PLEKHN1: variants seen among roughly 807,000 people sequenced by gnomAD.
PLEKHN1 encodes pleckstrin homology domain containing N1.
In PLEKHN1, 68 loss-of-function variants were observed where a neutral mutation model predicts 72.8. That is an observed-to-expected ratio of 0.93 (90% confidence interval 0.77 to 1.14). PLEKHN1 has a LOEUF of 1.14. Among genes scored for constraint, PLEKHN1 ranks in the 50% most tolerant of loss-of-function variants. The pLI is 0.00. For synonymous variants in PLEKHN1, 454 were observed against 371.6 expected, an observed-to-expected ratio of 1.22 and a Z score of -2.55; for missense variants, 1,015 against 840.5, an observed-to-expected ratio of 1.21 and a Z score of -2.57.
Position 974,812 on chromosome 1 carries a change from A to G in PLEKHN1, c.*237A>G, listed in dbSNP as rs1643530419. On this transcript the variant is annotated 3_prime_UTR_variant, in exon 16 of 16. Coordinates refer to ENST00000379410, the MANE Select transcript of PLEKHN1 (RefSeq NM_032129.3). ...GCCCTGGCCAGCGAGGCTGGGTCACAGGTCAGGGAGGTCCTGGCCGTCCAC... is the reference window on the plus strand; with the variant it reads ...GCCCTGGCCAGCGAGGCTGGGTCACGGGTCAGGGAGGTCCTGGCCGTCCAC... 3.5e-6 allele frequency: 2 copies of G among 577,254 alleles called. No individual in the cohort carries two copies. Among genetic ancestry groups the G allele is most frequent in the Non-Finnish European group, 3.0e-6 (1 of 332,042 alleles). 35.8% of individuals were successfully genotyped at this position (577,254 alleles called of 1,614,324 possible).
rs993218061 is a variant in PLEKHN1 at position 974,804 on chromosome 1, T to G, written c.*229T>G. On this transcript the variant is annotated 3_prime_UTR_variant, in exon 16 of 16. Coordinates refer to ENST00000379410, the MANE Select transcript of PLEKHN1 (RefSeq NM_032129.3). ...CAAAGGATGCCCTGGCCAGCGAGGC[T>G]GGGTCACAGGTCAGGGAGGTCCTGG... 1 of 613,608 alleles carries G rather than the reference T, an allele frequency of 1.6e-6. No individual in the cohort carries two copies. Among genetic ancestry groups the G allele is most frequent in the African/African-American group, 1.8e-5 (1 of 54,088 alleles). The allele number at this position is 613,608 out of a possible 1,614,324, so 38.0% of individuals were successfully genotyped here. A position where few individuals can be genotyped will look rare whatever the true frequency, so the allele number is the denominator to read the frequency against.
In PLEKHN1 at chr1:972,876, C is replaced by T. The variant is rs774553043; in HGVS notation, c.1018C>T (p.Arg340Ter). The T allele has an allele frequency of 1.1e-5, 17 of 1,554,668 alleles. No homozygotes were observed. Among genetic ancestry groups the T allele is most frequent in the Admixed American group, 3.9e-5 (2 of 51,920 alleles). ...GCCCATCCAGGTTATGGGCAGTGGCCGAGGCTCACTCTCCTCAGGCGGACA... is the reference window on the plus strand; with the variant it reads ...GCCCATCCAGGTTATGGGCAGTGGCTGAGGCTCACTCTCCTCAGGCGGACA... ...FPGSQVMGSG[R>*]GSLSSGGQTS... is the part of the protein sequence containing the mutation. The change falls in exon 11 of 16, where the codon CGA becomes TGA. Residue 340 changes from arginine (R) to a stop codon, truncating the protein, a stop_gained. Coordinates refer to ENST00000379410, the MANE Select transcript of PLEKHN1 (RefSeq NM_032129.3). LOFTEE classifies it high-confidence loss of function.
In PLEKHN1 at chr1:971,312, C is replaced by T. The variant is rs1643316175; in HGVS notation, c.709-12C>T. ...GTTCCCTCATCGCCTGACCCCACCCCCACCCACCCAGGAGCAGTGGGACCG... is the reference window on the plus strand; with the variant it reads ...GTTCCCTCATCGCCTGACCCCACCCTCACCCACCCAGGAGCAGTGGGACCG... On this transcript the variant is annotated splice_polypyrimidine_tract_variant and intron_variant, in intron 7 of 15. Transcript: ENST00000379410. The T allele has an allele frequency of 5.8e-6, 9 of 1,563,026 alleles. No individual in the cohort carries two copies. In the South Asian group the frequency reaches 9.4e-5, roughly 16 times the overall value.
chr1:972,735 C>T (rs533026621), intron 10 of PLEKHN1, 126 bp from the exon 11 acceptor site: 18 of 1,256,454 alleles, frequency 1.4e-5, no homozygotes, highest in Middle Eastern at 2.8e-4. Context: ...CACTGTACTG[C>T]AGCCTGGGCG....
At position 970,984 on chromosome 1, in the gene PLEKHN1, G is replaced by C. The variant is rs370898773; in HGVS notation, c.590G>C (p.Arg197Pro). ...ACGGCCCTCCTCGGGGGGCCGCGGC[G>C]CTGCCACTCGGCACCCCCACAGGTC... is the stretch of plus-strand genomic sequence containing the variant. ...KQTALLGGPR[R>P]CHSAPPQRRL... Residue 197 changes from arginine (R) to proline (P), a missense_variant, in exon 6 of 16, where the codon CGC becomes CCC. By Grantham distance (103) the Arg-to-Pro change is moderately radical. Coordinates refer to ENST00000379410, the MANE Select transcript of PLEKHN1 (RefSeq NM_032129.3). This position sits in a 1 kb window ranked among gnomAD's most constrained non-coding sequence, Gnocchi z 4.2. The C allele has an allele frequency of 1.9e-6, 3 of 1,604,254 alleles. No individual in the cohort carries two copies.
Position 975,365 on chromosome 1 carries a change from C to G in PLEKHN1, c.*790C>G, listed in dbSNP as rs1419280927. ...CCTTCCCACCTCATCTCTGACTCCT[C>G]TTGGCTGTGGGTCCCCAGCTGCCCC... On this transcript the variant is annotated 3_prime_UTR_variant, in exon 16 of 16. Coordinates refer to ENST00000379410, the MANE Select transcript of PLEKHN1 (RefSeq NM_032129.3). 1 of 152,478 alleles carries G rather than the reference C, an allele frequency of 6.6e-6. No homozygotes were observed. Among genetic ancestry groups the G allele is most frequent in the Non-Finnish European group, 1.5e-5 (1 of 68,238 alleles). 9.4% of individuals were successfully genotyped at this position (152,478 alleles called of 1,614,324 possible). A position where few individuals can be genotyped will look rare whatever the true frequency, so the allele number is the denominator to read the frequency against.
At position 974,048 on chromosome 1, in the gene PLEKHN1, G is replaced by T. The variant is rs193098401; in HGVS notation, c.1650G>T (p.Gln550His). The T allele has an allele frequency of 7.5e-5, 119 of 1,581,266 alleles. 1 individual carries two copies. In the South Asian group the frequency reaches 1.3e-3, roughly 18 times the overall value. Residue 550 changes from glutamine (Q) to histidine (H), a missense_variant, in exon 14 of 16, where the codon CAG (glutamine) becomes CAT (histidine). By Grantham distance (24) the Gln-to-His change is conservative. Transcript: ENST00000379410. The stretch of plus-strand genomic sequence containing the variant: ...GGCCGCAGCCCCCAGACGCCCCTCA[G>T]CTTGTGAGTAGCAGCCCCCACGCCC... ...DGGPQPPDAP[Q>H]LVSSAREGSP... is the part of the protein sequence containing the mutation.
intron 2 of PLEKHN1, among the ~76,000 whole-genome samples, chr1:968,665 A>G (rs1296814066): frequency 6.6e-6 from 1 of 152,228 alleles, no homozygotes; most frequent in Non-Finnish European, 1.5e-5. Context: ...TGCTAAGGAG[A>G]AAAACAGAGG....
chr1:974,639 A>G lies in PLEKHN1; in HGVS notation c.*64A>G. The stretch of plus-strand genomic sequence containing the variant: ...AAGCTCCAGGGTACCTGCCCCTCTA[A>G]CCCACTTCAAATTACAAGTCAGGGT... On this transcript the variant is annotated 3_prime_UTR_variant, in exon 16 of 16. Transcript: ENST00000379410. 6.6e-7 allele frequency: 1 copy of G among 1,523,274 alleles called. No homozygotes were observed. Among genetic ancestry groups the G allele is most frequent in the Non-Finnish European group, 8.8e-7 (1 of 1,132,084 alleles). The allele number at this position is 1,523,274 out of a possible 1,614,324, so 94.4% of individuals were successfully genotyped here.
chr1:970,554 G>A lies in PLEKHN1; in HGVS notation c.364G>A (p.Ala122Thr), dbSNP rs764611495. ...CGACTGCTACCTGGAGCTATTCCCCGCCCACCTGTACTTCCAGGCCCACGG... is the reference window on the plus strand; with the variant it reads ...CGACTGCTACCTGGAGCTATTCCCCACCCACCTGTACTTCCAGGCCCACGG... ...VSDCYLELFP[A>T]HLYFQAHGSE... The change falls in exon 4 of 16, where the codon GCC (alanine) becomes ACC (threonine). Residue 122 changes from alanine to threonine, a missense_variant. By Grantham distance (58) the Ala-to-Thr change is moderately conservative. Coordinates refer to ENST00000379410, the MANE Select transcript of PLEKHN1 (RefSeq NM_032129.3). The surrounding 1 kb of genome is among the most constrained non-coding windows in gnomAD (Gnocchi z 4.2). 16 of 1,612,928 alleles carry A rather than the reference G, an allele frequency of 9.9e-6. No homozygotes were observed. Among genetic ancestry groups the A allele is most frequent in the African/African-American group, 4.0e-5 (3 of 74,890 alleles).
In PLEKHN1 at chr1:970,309, C is replaced by T. The variant is rs748407664; in HGVS notation, c.216C>T (p.Asn72=). Reference sequence around the variant, plus strand: ...TGGACCTGGAGAACCAGCGAGAAAACCTGGAGCAGCCATTCCTGAGTGTGT... The same window carrying T: ...TGGACCTGGAGAACCAGCGAGAAAATCTGGAGCAGCCATTCCTGAGTGTGT... ...DILDLENQRE[N]LEQPFLSVFK... Residue 72 remains asparagine (N), a synonymous_variant, in exon 3 of 16, where the codon AAC becomes AAT. Transcript: ENST00000379410. This position sits in a 1 kb window ranked among gnomAD's most constrained non-coding sequence, Gnocchi z 4.2. The T allele has an allele frequency of 6.2e-7, 1 of 1,613,398 alleles. No homozygotes were observed. The highest frequency in any genetic ancestry group is 8.5e-7 in the Non-Finnish European group (1 of 1,179,938).
chr1:970,635 C>T lies in PLEKHN1; in HGVS notation c.411+34C>T, dbSNP rs142016795. On this transcript the variant is annotated intron_variant, in intron 4 of 15. Transcript: ENST00000379410. The surrounding 1 kb of genome is among the most constrained non-coding windows in gnomAD (Gnocchi z 4.2). The stretch of plus-strand genomic sequence containing the variant: ...GTGGGCAATGGGGTGGGGCCATGGC[C>T]GCCCTTCCCTCCATGGATCCCTGAA... 9.2e-5 allele frequency: 148 copies of T among 1,605,772 alleles called. No individual in the cohort carries two copies. Among genetic ancestry groups the T allele is most frequent in the Non-Finnish European group, 1.1e-4 (132 of 1,175,314 alleles).
chr1:971,583 C>A, intron 8 of PLEKHN1, 179 bp downstream of exon 8: 3 of 645,088 alleles, frequency 4.7e-6, no homozygotes, highest in Admixed American at 2.6e-5. Context: ...GGAGCCCCTG[C>A]CCGCCCTGAG....
At chr1:972,732 C>T (rs1643404373) in intron 10 of PLEKHN1, 129 bp from the exon 11 acceptor site, 11 of 1,244,134 alleles carry the variant, frequency 8.8e-6, no homozygotes, top group Non-Finnish European at 1.2e-5. Flanking sequence ...TGCCACTGTA[C>T]TGCAGCCTGG....
chr1:970,281 T>A lies in PLEKHN1; in HGVS notation c.188T>A (p.Ile63Asn), dbSNP rs756499712. The change falls in exon 3 of 16, where the codon ATC becomes AAC. Residue 63 changes from isoleucine (I) to asparagine (N), a missense_variant. Physicochemically the swap from Ile to Asn is moderately radical, Grantham distance 149 (BLOSUM62 -3). Transcript: ENST00000379410. This position sits in a 1 kb window ranked among gnomAD's most constrained non-coding sequence, Gnocchi z 4.2. ...CCTGAGCTCTACTCCTCCTAGGACATCCTGGACCTGGAGAACCAGCGAGAA... is the reference window on the plus strand; with the variant it reads ...CCTGAGCTCTACTCCTCCTAGGACAACCTGGACCTGGAGAACCAGCGAGAA... ...KLFHYIPGTD[I>N]LDLENQRENL... 7 of 1,612,996 alleles carry A rather than the reference T, an allele frequency of 4.3e-6. No individual in the cohort carries two copies. In the South Asian group the frequency reaches 7.7e-5, roughly 18 times the overall value.
Position 971,331 on chromosome 1 carries a change from G to A in PLEKHN1, c.716G>A (p.Trp239Ter), listed in dbSNP as rs895386618. ...KLQHLPAQEQ[W>*]DRLLVLYPTS... ...CCACCCCCACCCACCCAGGAGCAGT[G>A]GGACCGGCTCTTGGTCCTGTACCCA... Residue 239 changes from tryptophan to a stop codon, truncating the protein, a stop_gained, in exon 8 of 16, where the codon TGG (tryptophan) becomes TAG (stop). Coordinates refer to ENST00000379410, the MANE Select transcript of PLEKHN1 (RefSeq NM_032129.3). LOFTEE classifies it high-confidence loss of function. The A allele has an allele frequency of 2.5e-6, 4 of 1,575,832 alleles. No individual in the cohort carries two copies. In the African/African-American group the frequency reaches 4.1e-5, roughly 16 times the overall value.
In PLEKHN1 at chr1:974,725, T is replaced by G; in HGVS notation, c.*150T>G. ...CTGAGTTCAGAGCCCGTCCCTCAGC[T>G]CCTGTTCCTTGGTGCCAGCAGCTGG... On this transcript the variant is annotated 3_prime_UTR_variant, in exon 16 of 16. Transcript: ENST00000379410. 2.2e-6 allele frequency: 2 copies of G among 890,994 alleles called. No homozygotes were observed. Among genetic ancestry groups the G allele is most frequent in the Admixed American group, 3.0e-5 (1 of 32,860 alleles). 55.2% of individuals were successfully genotyped at this position (890,994 alleles called of 1,614,324 possible). A position where few individuals can be genotyped will look rare whatever the true frequency, so the allele number is the denominator to read the frequency against.
chr1:967,548 G>A (rs1450002267), intron 2 of PLEKHN1, among the ~76,000 whole-genome samples: 1 of 152,144 alleles, frequency 6.6e-6, no homozygotes, highest in Non-Finnish European at 1.5e-5. Flanking sequence ...GCTCCGCTAT[G>A]TGCAGGCCCT....
chr1:970,269 C>A lies in PLEKHN1; in HGVS notation c.184-8C>A. 1 of 1,612,512 alleles carries A rather than the reference C, an allele frequency of 6.2e-7. No individual in the cohort carries two copies. The highest frequency in any genetic ancestry group is 8.5e-7 in the Non-Finnish European group (1 of 1,179,680). ...GAGGCCCCCTCCCCTGAGCTCTACT[C>A]CTCCTAGGACATCCTGGACCTGGAG... On this transcript the variant is annotated splice_polypyrimidine_tract_variant and splice_region_variant and intron_variant, in intron 2 of 15. Transcript: ENST00000379410. The surrounding 1 kb of genome is among the most constrained non-coding windows in gnomAD (Gnocchi z 4.2).
Sources: allele counts gnomAD v4.1 joint callset (sites outside exome capture counted in the v4.1 genomes callset), GRCh38; gene constraint gnomAD v4.1.1; non-coding constraint Gnocchi (gnomAD v3.1); transcripts MANE v1.5; gene names NCBI Gene and HGNC (gene_info 2026-07-23, HGNC 2026-07-21).